Variants in ANTXR1 observed in about 807,000 individuals in gnomAD.
ANTXR1 encodes the protein anthrax toxin receptor 1.
A neutral mutation model predicts 78.1 loss-of-function variants in ANTXR1; 19 were observed. The ratio of observed to expected loss-of-function variants is 0.24; its 90% CI spans 0.17 to 0.36. The LOEUF (loss-of-function observed/expected upper bound fraction) is 0.36, where lower values mean the gene tolerates loss of function less well. ANTXR1 is among the 10% of genes least tolerant of loss of function. The pLI is 1.00. For synonymous variants in ANTXR1, 273 were observed against 260.5 expected, an observed-to-expected ratio of 1.05 and a Z score of -0.46; for missense variants, 518 against 718.6, an observed-to-expected ratio of 0.72 and a Z score of 3.19.
intron 3 of ANTXR1, among the ~76,000 whole-genome samples, chr2:69,056,233 T>C (rs186221585): frequency 1.3e-5 from 2 of 152,302 alleles, no homozygotes; most frequent in East Asian, 3.9e-4. Context: ...ATATTTTTTA[T>C]TGCCCAACAA....
intron 6 of ANTXR1, among the ~76,000 whole-genome samples, chr2:69,074,000 T>C (rs1670653279): frequency 6.6e-6 from 1 of 152,212 alleles, no homozygotes; most frequent in Non-Finnish European, 1.5e-5. Context: ...ACAAAATATA[T>C]ATTCATTCAT....
intron 12 of ANTXR1, among the ~76,000 whole-genome samples, chr2:69,133,265 G>A (rs532992514): frequency 4.1e-4 from 62 of 152,282 alleles, no homozygotes; most frequent in African/African-American, 1.4e-3. Context: ...AACAACCTCT[G>A]AAGAAAAGAA....
intron 3 of ANTXR1, among the ~76,000 whole-genome samples, chr2:69,050,575 C>G (rs1669902607): frequency 6.6e-6 from 1 of 151,292 alleles, no homozygotes; most frequent in African/African-American, 2.5e-5. Flanking sequence ...ATAAAGAGAG[C>G]AAACGTTTGT....
At chr2:69,124,218 T>C (rs1672452770) in intron 11 of ANTXR1, among the ~76,000 whole-genome samples, 1 of 152,226 alleles carries the variant, frequency 6.6e-6, no homozygotes, top group Admixed American at 6.5e-5. Context: ...TGGACTATTT[T>C]TGAAGAATAC....
At chr2:69,050,913 G>A (rs186434734) in intron 3 of ANTXR1, among the ~76,000 whole-genome samples, 2 of 152,086 alleles carry the variant, frequency 1.3e-5, no homozygotes, top group Admixed American at 6.6e-5. Flanking sequence ...TAGATTTTAT[G>A]ATTCATTATT....
At chr2:69,023,994 A>T (rs1671272346) in intron 1 of ANTXR1, among the ~76,000 whole-genome samples, 1 of 152,344 alleles carries the variant, frequency 6.6e-6, no homozygotes, top group Admixed American at 6.5e-5. Flanking sequence ...ATGAGATTAA[A>T]GGTTTCTAAG....
intron 17 of ANTXR1, among the ~76,000 whole-genome samples, chr2:69,243,421 A>G (rs1675936808): frequency 1.3e-5 from 2 of 152,202 alleles, no homozygotes; most frequent in African/African-American, 4.8e-5. Flanking sequence ...GTAGGCTGTA[A>G]CTAGAGAACT....
chr2:69,087,923 C>A (rs1342758865), intron 8 of ANTXR1, among the ~76,000 whole-genome samples: 1 of 152,162 alleles, frequency 6.6e-6, no homozygotes, highest in Non-Finnish European at 1.5e-5. Context: ...CTTTTGAAAC[C>A]AGACATTTCA....
chr2:69,060,667 T>C lies in ANTXR1; in HGVS notation c.297-9980T>C, dbSNP rs78803862. Among the ~76,000 whole-genome samples the C allele has an allele frequency of 2.7e-3, 418 of 152,344 alleles. 1 individual carries two copies. The highest frequency in any genetic ancestry group is 8.6e-3 in the African/African-American group (356 of 41,572). On this transcript the variant is annotated intron_variant, in intron 3 of 17. Transcript: ENST00000303714. Reference sequence around the variant, plus strand: ...AATGAAGGACATCAACTGTGTCTTATGCTGAAAGAGGTTGAGGAACATGAA... The same window carrying C: ...AATGAAGGACATCAACTGTGTCTTACGCTGAAAGAGGTTGAGGAACATGAA...
At chr2:69,121,027 C>T (rs1672330320) in intron 10 of ANTXR1, among the ~76,000 whole-genome samples, 1 of 152,162 alleles carries the variant, frequency 6.6e-6, no homozygotes, top group Admixed American at 6.5e-5. Context: ...AGTGCCTCCC[C>T]CTCTCCCACT....
At chr2:69,055,053 G>A (rs936718140) in intron 3 of ANTXR1, among the ~76,000 whole-genome samples, 18 of 152,144 alleles carry the variant, frequency 1.2e-4, no homozygotes, top group African/African-American at 4.3e-4. Context: ...CTGTTGGAAG[G>A]GTTAACAATG....
chr2:69,088,553 T>G (rs1671127823), intron 8 of ANTXR1, among the ~76,000 whole-genome samples: 1 of 151,874 alleles, frequency 6.6e-6, no homozygotes, highest in Admixed American at 6.6e-5. Context: ...TCAAAGGGGG[T>G]GGCTTCCTCC....
chr2:69,071,202 TAAC>T (rs1558514441), intron 4 of ANTXR1, among the ~76,000 whole-genome samples: 2 of 152,178 alleles, frequency 1.3e-5, no homozygotes, highest in Non-Finnish European at 2.9e-5. Flanking sequence ...ATCTATCACT[TAAC>T]AACAAGGATT....
At chr2:69,160,963 GC>G (rs1327628912) in intron 13 of ANTXR1, among the ~76,000 whole-genome samples, 7 of 152,156 alleles carry the variant, frequency 4.6e-5, no homozygotes, top group African/African-American at 1.7e-4. Context: ...CCTCTTTTGT[GC>G]CCTCCCTGGA....
chr2:69,090,736 C>A (rs2104282092), intron 8 of ANTXR1, 123 bp from the exon 9 acceptor site: 1 of 879,390 alleles, frequency 1.1e-6, no homozygotes, highest in Non-Finnish European at 1.9e-6. Flanking sequence ...TCCTCGCACC[C>A]CCACCGCAAC....
At chr2:69,070,502 A>G in intron 3 of ANTXR1, 145 bp from the exon 4 acceptor site, 2 of 742,998 alleles carry the variant, frequency 2.7e-6, no homozygotes, top group Non-Finnish European at 4.8e-6. Flanking sequence ...GATAATATAA[A>G]GGCCTTCCCT....
At chr2:69,031,335 G>A in intron 1 of ANTXR1, among the ~76,000 whole-genome samples, 1 of 152,104 alleles carries the variant, frequency 6.6e-6, no homozygotes, top group East Asian at 1.9e-4. Flanking sequence ...AAGAGACACT[G>A]CATTTTCATT....
At chr2:69,177,003 A>T (rs1674140720) in intron 14 of ANTXR1, among the ~76,000 whole-genome samples, 1 of 152,202 alleles carries the variant, frequency 6.6e-6, no homozygotes, top group Non-Finnish European at 1.5e-5. Context: ...CGCTATTCAC[A>T]TCAAGTCTGT....
chr2:69,118,724 G>C (rs72827650), intron 10 of ANTXR1, among the ~76,000 whole-genome samples: 1 of 152,180 alleles, frequency 6.6e-6, no homozygotes, highest in Non-Finnish European at 1.5e-5. Context: ...ACGGCCCTGG[G>C]GCCAAACGTG....
Sources: allele counts gnomAD v4.1 joint callset (sites outside exome capture counted in the v4.1 genomes callset), GRCh38; gene constraint gnomAD v4.1.1; transcripts MANE v1.5; gene names NCBI Gene and HGNC (gene_info 2026-07-23, HGNC 2026-07-21).